TOX: variants seen among roughly 807,000 people sequenced by gnomAD.
TOX encodes thymocyte selection-associated high mobility group box protein TOX.
A neutral mutation model predicts 53.7 loss-of-function variants in TOX; 11 were observed. The ratio of observed to expected loss-of-function variants is 0.20; its 90% confidence interval spans 0.13 to 0.34. The LOEUF is 0.34. Ranked by LOEUF, TOX falls within the 10% of genes least tolerant of loss-of-function variation. The pLI is 1.00. For missense variants in TOX, 570 were observed against 664.6 expected, an observed-to-expected ratio of 0.86 and a Z score of 1.56; for synonymous variants, 225 against 245.3, an observed-to-expected ratio of 0.92 and a Z score of 0.77.
At chr8:59,102,310 C>T (rs536869803) in intron 1 of TOX, among the ~76,000 whole-genome samples, 2 of 152,256 alleles carry the variant, frequency 1.3e-5, no homozygotes, top group South Asian at 4.2e-4. Flanking sequence ...TCACTGCAAC[C>T]TCTACCTCCT....
intron 1 of TOX, among the ~76,000 whole-genome samples, chr8:59,106,272 G>A (rs1376659119): frequency 6.6e-6 from 1 of 151,126 alleles, no homozygotes; most frequent in African/African-American, 2.4e-5. Context: ...TTTTCCACTG[G>A]CTTACATTTT....
intron 1 of TOX, among the ~76,000 whole-genome samples, chr8:59,086,239 C>T (rs1291604656): frequency 6.6e-6 from 1 of 152,086 alleles, no homozygotes; most frequent in Non-Finnish European, 1.5e-5. Context: ...CCTACCTCGG[C>T]CTCCCAAAGG....
intron 1 of TOX, among the ~76,000 whole-genome samples, chr8:59,087,885 A>C (rs922745341): frequency 6.6e-6 from 1 of 152,212 alleles, no homozygotes; most frequent in South Asian, 2.1e-4. Context: ...GAAAAGGTGG[A>C]GTGCTCACCT....
At chr8:58,883,589 C>T (rs185804294) in intron 3 of TOX, among the ~76,000 whole-genome samples, 17 of 152,252 alleles carry the variant, frequency 1.1e-4, no homozygotes, top group Non-Finnish European at 1.2e-4. Context: ...AATAGTGTGA[C>T]AGCCTTGTAG....
At chr8:58,819,595 A>C (rs926524322) in intron 6 of TOX, among the ~76,000 whole-genome samples, 1 of 152,242 alleles carries the variant, frequency 6.6e-6, no homozygotes. Flanking sequence ...ATACAACTCT[A>C]TAAGCCTGAA....
chr8:58,850,860 A>G (rs1318197213), intron 4 of TOX, among the ~76,000 whole-genome samples: 1 of 152,222 alleles, frequency 6.6e-6, no homozygotes, highest in Non-Finnish European at 1.5e-5. Flanking sequence ...TAGCATGTTT[A>G]CAGTTTAATT....
intron 2 of TOX, among the ~76,000 whole-genome samples, chr8:58,952,878 T>C (rs1218753913): frequency 6.6e-6 from 1 of 152,160 alleles, no homozygotes; most frequent in Non-Finnish European, 1.5e-5. Context: ...ATTTAACCCA[T>C]CAGCAGCCTC....
At chr8:58,883,221 A>G (rs1430847619) in intron 3 of TOX, among the ~76,000 whole-genome samples, 2 of 152,162 alleles carry the variant, frequency 1.3e-5, no homozygotes, top group African/African-American at 2.4e-5. Flanking sequence ...ATGACTCTCC[A>G]TTACTGAGCT....
In TOX at chr8:58,838,111, C is replaced by T. The variant is rs1376692862; in HGVS notation, c.894G>A (p.Met298Ile). Residue 298 changes from methionine (M) to isoleucine (I), a missense_variant, in exon 5 of 9, where the codon ATG becomes ATA. By Grantham distance (10) the Met-to-Ile change is conservative (BLOSUM62 1). This residue lies in a region of TOX where 49 missense variants were observed against 98.9 expected (regional missense o/e 0.50). Transcript: ENST00000361421. ...TTTGCTCTTCTCCTAAACCGTCCCA[C>T]ATTGAAGCCACAATTTTAGAGACTT... ...FGEVSKIVAS[M>I]WDGLGEEQKQ... 1.9e-6 allele frequency: 3 copies of T among 1,614,058 alleles called. No homozygotes were observed. Among genetic ancestry groups the T allele is most frequent in the African/African-American group, 1.3e-5 (1 of 74,930 alleles).
At chr8:58,926,106 G>T (rs1366857580) in intron 3 of TOX, among the ~76,000 whole-genome samples, 5 of 152,186 alleles carry the variant, frequency 3.3e-5, no homozygotes, top group African/African-American at 1.2e-4. Context: ...CACATGCTTG[G>T]ACCCTATAGC....
chr8:59,045,808 C>T (rs1803671530), intron 1 of TOX, among the ~76,000 whole-genome samples: 1 of 152,142 alleles, frequency 6.6e-6, no homozygotes, highest in African/African-American at 2.4e-5. Flanking sequence ...TTATAGGACT[C>T]AAAAACAAAA....
chr8:59,002,436 C>CA (rs1265891253), intron 1 of TOX, among the ~76,000 whole-genome samples: 3 of 150,842 alleles, frequency 2.0e-5, no homozygotes, highest in South Asian at 2.1e-4. Flanking sequence ...ACTAAAAATA[C>CA]AAAAAATTAG....
chr8:59,106,552 CA>C (rs952695444), intron 1 of TOX, among the ~76,000 whole-genome samples: 49 of 152,268 alleles, frequency 3.2e-4, no homozygotes, highest in African/African-American at 1.1e-3. Context: ...CTTCAGTACA[CA>C]TACACCTTTC....
At chr8:59,013,675 C>T (rs1359548418) in intron 1 of TOX, among the ~76,000 whole-genome samples, 2 of 152,206 alleles carry the variant, frequency 1.3e-5, no homozygotes, top group Non-Finnish European at 2.9e-5. Flanking sequence ...TCCCAAAGTG[C>T]TGGGATTACA....
At chr8:59,026,404 A>G (rs1050775472) in intron 1 of TOX, among the ~76,000 whole-genome samples, 4 of 152,096 alleles carry the variant, frequency 2.6e-5, no homozygotes, top group African/African-American at 9.7e-5. Context: ...CAAACATCTC[A>G]TTTTTTTAAA....
chr8:58,926,421 A>G (rs1812160971), intron 3 of TOX, among the ~76,000 whole-genome samples: 4 of 152,168 alleles, frequency 2.6e-5, no homozygotes, highest in Admixed American at 2.6e-4. Context: ...TCAATTTATC[A>G]TTCTTGAACG....
intron 1 of TOX, among the ~76,000 whole-genome samples, chr8:59,067,349 T>C (rs1337409643): frequency 6.6e-6 from 1 of 151,770 alleles, no homozygotes; most frequent in East Asian, 1.9e-4. Context: ...AGGTCAGGAG[T>C]TTGATACCAG....
At chr8:59,111,163 A>T (rs774971922) in intron 1 of TOX, among the ~76,000 whole-genome samples, 1 of 152,124 alleles carries the variant, frequency 6.6e-6, no homozygotes, top group Non-Finnish European at 1.5e-5. Flanking sequence ...AGGGAATCAC[A>T]TCCTCTTATG....
At chr8:58,945,464 A>G (rs1170618523) in intron 2 of TOX, among the ~76,000 whole-genome samples, 3 of 152,150 alleles carry the variant, frequency 2.0e-5, no homozygotes, top group African/African-American at 7.2e-5. Flanking sequence ...TCCTTCCCTG[A>G]AGTCCAACCT....
Sources: gnomAD v4.1 joint callset for allele counts (sites outside exome capture counted in the v4.1 genomes callset) on GRCh38, gnomAD v4.1.1 for gene constraint, gnomAD v4.1.1 regional missense constraint, MANE v1.5 for transcripts, NCBI Gene and HGNC (gene_info 2026-07-23, HGNC 2026-07-21) for gene names.